Variants in CAPZA2 observed in about 807,000 individuals in gnomAD.
CAPZA2 encodes the protein capping actin protein of muscle Z-line subunit alpha 2, also known as F-actin-capping protein subunit alpha-2.
Under a neutral mutation model 44.0 loss-of-function variants are expected in CAPZA2, and 13 were observed. The ratio of observed to expected loss-of-function variants is 0.30; its 90% CI spans 0.19 to 0.47. The LOEUF (loss-of-function observed/expected upper bound fraction) is 0.47. CAPZA2 is among the 20% of genes least tolerant of loss of function. The pLI, the probability that CAPZA2 is intolerant of heterozygous loss-of-function variation, is 1.00. For synonymous variants in CAPZA2, 94 were observed against 108.2 expected (o/e 0.87, Z 0.81); for missense variants, 244 against 338.6 (o/e 0.72, Z 2.19).
rs531888903 is a variant in CAPZA2 at position 116,921,655 on chromosome 7, C to T, written c.*3788C>T. ...GGAGACTGTGCCACTTCACTGCAGC[C>T]TGGGTGACAGGGTGAGAGTCTGTCT... On this transcript the variant is annotated 3_prime_UTR_variant, in exon 10 of 10. Coordinates refer to ENST00000361183, the MANE Select transcript of CAPZA2 (RefSeq NM_006136.3). The T allele has an allele frequency of 2.0e-5, 3 of 152,294 alleles. No individual in the cohort carries two copies. The East Asian group carries it at 5.8e-4, about 29-fold the overall frequency. 9.4% of individuals were successfully genotyped at this position (152,294 alleles called of 1,614,324 possible).
intron 1 of CAPZA2, among the ~76,000 whole-genome samples, chr7:116,870,587 A>T (rs1277021179): frequency 6.6e-6 from 1 of 152,114 alleles, no homozygotes; most frequent in Non-Finnish European, 1.5e-5. Context: ...AGCCCACATG[A>T]TATGCCACTA....
At chr7:116,911,900 A>G (rs1791602385) in intron 7 of CAPZA2, among the ~76,000 whole-genome samples, 169 bp from the exon 8 acceptor site, 1 of 152,208 alleles carries the variant, frequency 6.6e-6, no homozygotes, top group African/African-American at 2.4e-5. Flanking sequence ...TCTCCTCACT[A>G]GGCTGAGGGC....
Position 116,877,046 on chromosome 7 carries a change from A to G in CAPZA2, c.40-11081A>G, listed in dbSNP as rs145200419. On this transcript the variant is annotated intron_variant, in intron 1 of 9. Transcript: ENST00000361183. ...AGGAACTGTGTCTGTTCCCTGTGATAAAAGATTGTTTGGCTAGGGGACCTT... is the reference window on the plus strand; with the variant it reads ...AGGAACTGTGTCTGTTCCCTGTGATGAAAGATTGTTTGGCTAGGGGACCTT... Among the ~76,000 whole-genome samples, 21 of 152,286 alleles carry G rather than the reference A, an allele frequency of 1.4e-4. No individual in the cohort carries two copies. In the East Asian group the frequency reaches 4.1e-3, roughly 29 times the overall value.
chr7:116,896,086 T>C (rs1796922412), intron 3 of CAPZA2, among the ~76,000 whole-genome samples: 1 of 152,146 alleles, frequency 6.6e-6, no homozygotes, highest in Non-Finnish European at 1.5e-5. Context: ...TGATGTTGAA[T>C]TTCTTTTATA....
intron 4 of CAPZA2, among the ~76,000 whole-genome samples, chr7:116,901,954 A>G (rs1342899504): frequency 1.3e-5 from 2 of 151,476 alleles, no homozygotes; most frequent in African/African-American, 2.4e-5. Flanking sequence ...TGAAAAAACC[A>G]TTAAGCACAA....
At chr7:116,879,995 C>T (rs1297750515) in intron 1 of CAPZA2, 2 of 402,582 alleles carry the variant, frequency 5.0e-6, no homozygotes, top group Non-Finnish European at 9.9e-6. Context: ...TGCCAGGCAC[C>T]ATTCTAAGCA....
At chr7:116,866,518 G>A (rs186391127) in intron 1 of CAPZA2, among the ~76,000 whole-genome samples, 1 of 152,302 alleles carries the variant, frequency 6.6e-6, no homozygotes, top group East Asian at 1.9e-4. Context: ...GCCAAAAACA[G>A]TTCATTTTCA....
chr7:116,880,312 A>C (rs1024184981), intron 1 of CAPZA2, among the ~76,000 whole-genome samples: 1 of 152,196 alleles, frequency 6.6e-6, no homozygotes, highest in Non-Finnish European at 1.5e-5. Context: ...AGTAATTAGA[A>C]TCCTCTATTT....
intron 2 of CAPZA2, 47 bp downstream of exon 2, chr7:116,888,237 T>C (rs1362377387): frequency 7.5e-7 from 1 of 1,327,140 alleles, no homozygotes; most frequent in Non-Finnish European, 1.1e-6. Flanking sequence ...CAAGCCCTCT[T>C]TTTAAAAGAA....
chr7:116,885,260 G>T (rs542546023), intron 1 of CAPZA2, among the ~76,000 whole-genome samples: 153 of 148,732 alleles, frequency 1.0e-3, no homozygotes, highest in African/African-American at 2.6e-3. Context: ...TTTTTTTTTT[G>T]TTGTTGTTGT....
At chr7:116,866,186 C>CT (rs545644928) in intron 1 of CAPZA2, among the ~76,000 whole-genome samples, 2,520 of 141,152 alleles carry the variant, frequency 0.018, 63 homozygotes, top group African/African-American at 0.049. Context: ...GTCCCATAGA[C>CT]TTTTTTTTTT....
intron 1 of CAPZA2, among the ~76,000 whole-genome samples, chr7:116,865,178 T>C (rs1785732867): frequency 1.2e-5 from 1 of 84,178 alleles, no homozygotes; most frequent in African/African-American, 4.9e-5. Context: ...CGCTCTCTTC[T>C]TTTTTTTTTT....
intron 9 of CAPZA2, 151 bp downstream of exon 9, chr7:116,916,273 A>G: frequency 2.8e-6 from 2 of 714,406 alleles, no homozygotes; most frequent in Non-Finnish European, 4.1e-6. Flanking sequence ...AGACTTACTA[A>G]TGTGTAGGCA....
intron 3 of CAPZA2, among the ~76,000 whole-genome samples, chr7:116,894,266 G>A (rs1796895400): frequency 6.6e-6 from 1 of 151,854 alleles, no homozygotes; most frequent in Non-Finnish European, 1.5e-5. Context: ...GGAGGCTGAG[G>A]CAGGAGAATC....
At chr7:116,892,486 A>G (rs546318525) in intron 2 of CAPZA2, among the ~76,000 whole-genome samples, 2 of 152,104 alleles carry the variant, frequency 1.3e-5, no homozygotes, top group Non-Finnish European at 2.9e-5. Context: ...TTTTCTGCAG[A>G]CTTTAACATA....
intron 9 of CAPZA2, among the ~76,000 whole-genome samples, chr7:116,917,400 G>A (rs1178610148): frequency 1.3e-5 from 2 of 152,040 alleles, no homozygotes; most frequent in East Asian, 1.9e-4. Context: ...GACTACAGAC[G>A]CCCGCCACCA....
chr7:116,909,098 C>T (rs1006169849), intron 6 of CAPZA2, among the ~76,000 whole-genome samples: 1 of 152,032 alleles, frequency 6.6e-6, no homozygotes, highest in Non-Finnish European at 1.5e-5. Flanking sequence ...AGCATCATGT[C>T]AGTGCTCAAA....
intron 5 of CAPZA2, among the ~76,000 whole-genome samples, chr7:116,905,096 G>A (rs1327057994): frequency 1.4e-5 from 2 of 144,432 alleles, no homozygotes; most frequent in South Asian, 2.2e-4. Context: ...CCGAGATTGC[G>A]CCACTCCACT....
intron 1 of CAPZA2, among the ~76,000 whole-genome samples, chr7:116,866,186 CTT>C (rs545644928): frequency 1.1e-4 from 15 of 141,132 alleles, no homozygotes; most frequent in Admixed American, 2.8e-4. Context: ...GTCCCATAGA[CTT>C]TTTTTTTTTT....
Sources: allele counts gnomAD v4.1 joint callset (sites outside exome capture counted in the v4.1 genomes callset), GRCh38; gene constraint gnomAD v4.1.1; transcripts MANE v1.5; gene names NCBI Gene and HGNC (gene_info 2026-07-23, HGNC 2026-07-21).